The following SLC39A11 variants were observed in gnomAD, a reference collection of about 807,000 sequenced individuals.
SLC39A11 encodes solute carrier family 39 member 11.
SLC39A11 carries 33 observed loss-of-function variants against 36.1 expected under a neutral mutation model. The observed-to-expected ratio is 0.91, with a 90% CI of 0.69 to 1.22. SLC39A11 has a LOEUF of 1.22. SLC39A11 is among the 50% of genes most tolerant of loss of function. SLC39A11 has a pLI of 0.00. For synonymous variants in SLC39A11, 166 were observed against 170.3 expected, an observed-to-expected ratio of 0.97 and a Z score of 0.20; for missense variants, 432 against 430.3, an observed-to-expected ratio of 1.00 and a Z score of -0.03.
intron 5 of SLC39A11, among the ~76,000 whole-genome samples, chr17:72,917,433 G>C (rs1037365039): frequency 6.6e-6 from 1 of 152,192 alleles, no homozygotes; most frequent in African/African-American, 2.4e-5. Context: ...AAAATCACTA[G>C]AGGGAAGAAG....
chr17:72,976,549 G>C (rs1350263881), intron 4 of SLC39A11, among the ~76,000 whole-genome samples: 3 of 152,150 alleles, frequency 2.0e-5, no homozygotes, highest in African/African-American at 7.2e-5. Context: ...TTTGCAGAAA[G>C]GCACAGAAAT....
chr17:72,827,295 A>C (rs1297755966), intron 6 of SLC39A11, among the ~76,000 whole-genome samples: 1 of 152,244 alleles, frequency 6.6e-6, no homozygotes, highest in African/African-American at 2.4e-5. Flanking sequence ...AGCCAAATTC[A>C]TAGAGACAAA....
chr17:72,971,637 G>A (rs988274867), intron 4 of SLC39A11, among the ~76,000 whole-genome samples: 14 of 152,178 alleles, frequency 9.2e-5, no homozygotes, highest in African/African-American at 2.9e-4. Flanking sequence ...ACGTGAAGGC[G>A]GGTCTCAGCA....
At chr17:73,091,890 C>T (rs1381733183) in intron 1 of SLC39A11, 3 of 152,250 alleles carry the variant, frequency 2.0e-5, no homozygotes, top group African/African-American at 7.2e-5. Flanking sequence ...TTTCCTTTCT[C>T]CCCCTTTTAA....
chr17:72,795,413 A>G (rs1003165682), intron 6 of SLC39A11, among the ~76,000 whole-genome samples: 2 of 152,118 alleles, frequency 1.3e-5, no homozygotes, highest in African/African-American at 2.4e-5. Flanking sequence ...CCCACAGAGC[A>G]AGACATGACA....
intron 6 of SLC39A11, among the ~76,000 whole-genome samples, chr17:72,794,230 CATCACCATCACACAGTCCATGAGTACAA>C (rs1316859614): frequency 6.6e-6 from 1 of 152,096 alleles, no homozygotes; most frequent in Non-Finnish European, 1.5e-5. Context: ...AGCTCCTGCT[CATCACCATCACACAGTCCATGAGTACAA>C]ATCACCCATC....
intron 6 of SLC39A11, among the ~76,000 whole-genome samples, chr17:72,826,656 T>C (rs1181080423): frequency 6.6e-6 from 1 of 152,188 alleles, no homozygotes; most frequent in East Asian, 1.9e-4. Flanking sequence ...TCCTTAAGCT[T>C]GATTGGATAT....
At chr17:73,036,422 C>T (rs761248274) in intron 3 of SLC39A11, among the ~76,000 whole-genome samples, 10 of 148,970 alleles carry the variant, frequency 6.7e-5, no homozygotes, top group Non-Finnish European at 1.3e-4. Flanking sequence ...GAAGGGCCAT[C>T]GTTTTTTTGT....
chr17:72,904,784 C>T (rs548618281), intron 5 of SLC39A11, among the ~76,000 whole-genome samples: 203 of 152,208 alleles, frequency 1.3e-3, no homozygotes, highest in African/African-American at 4.7e-3. Flanking sequence ...AAATGTGGTC[C>T]CCGAAGGTGG....
chr17:72,861,373 C>T (rs966611446), intron 5 of SLC39A11, among the ~76,000 whole-genome samples: 2 of 152,096 alleles, frequency 1.3e-5, no homozygotes, highest in African/African-American at 2.4e-5. Flanking sequence ...GTCTACACTG[C>T]TTTGGAATAT....
At chr17:72,672,355 A>G (rs2071060226) in intron 7 of SLC39A11, among the ~76,000 whole-genome samples, 1 of 152,206 alleles carries the variant, frequency 6.6e-6, no homozygotes, top group Non-Finnish European at 1.5e-5. Context: ...AGGTTGAGGC[A>G]TGAAAGTAGC....
intron 4 of SLC39A11, among the ~76,000 whole-genome samples, chr17:72,971,675 G>A (rs978172645): frequency 6.6e-6 from 1 of 152,168 alleles, no homozygotes; most frequent in Non-Finnish European, 1.5e-5. Flanking sequence ...CTGGGGCCGG[G>A]CCGCCCCCCA....
chr17:73,035,534 C>G (rs2058878672), intron 3 of SLC39A11, among the ~76,000 whole-genome samples: 1 of 152,154 alleles, frequency 6.6e-6, no homozygotes, highest in Non-Finnish European at 1.5e-5. Context: ...AAAAAGGACT[C>G]TGCACATGGG....
Position 73,027,104 on chromosome 17 carries a change from A to G in SLC39A11, c.306+4452T>C, listed in dbSNP as rs188139879. Among the ~76,000 whole-genome samples, 7 of 152,350 alleles carry G rather than the reference A, an allele frequency of 4.6e-5. No individual in the cohort carries two copies. The East Asian group carries it at 1.3e-3, about 29-fold the overall frequency. On this transcript the variant is annotated intron_variant, in intron 4 of 9. Coordinates refer to ENST00000255559, the MANE Select transcript of SLC39A11 (RefSeq NM_139177.4). ...GCCACTGCACTCCAGCCTGGGCAAC[A>G]GAGCAAGACCCTGTCTCAAATAATA...
In SLC39A11 at chr17:73,047,990, AATATATATATATATATATAT is replaced by A. The variant is rs151142811; in HGVS notation, c.148-16296_148-16277del. On this transcript the variant is annotated intron_variant, in intron 3 of 9. Coordinates refer to ENST00000255559, the MANE Select transcript of SLC39A11 (RefSeq NM_139177.4). ...TCAAAAAAAAAAAAAAAAAAAAAAA[AATATATATATATATATATAT>A]ATATATATATATATATCATGTATAG... Among the ~76,000 whole-genome samples, 401 of 58,692 alleles carry A rather than the reference AATATATATATATATATATAT, an allele frequency of 6.8e-3. 9 individuals carry two copies. The highest frequency in any genetic ancestry group is 0.013 in the Middle Eastern group (1 of 76). 38.5% of individuals were successfully genotyped at this position (58,692 alleles called of 152,430 possible).
At chr17:72,705,642 G>A (rs2143166728) in intron 7 of SLC39A11, among the ~76,000 whole-genome samples, 2 of 152,250 alleles carry the variant, frequency 1.3e-5, no homozygotes, top group South Asian at 4.2e-4. Flanking sequence ...TTGGATTTTG[G>A]AATCAACCAT....
intron 5 of SLC39A11, among the ~76,000 whole-genome samples, chr17:72,873,163 T>G (rs2080733225): frequency 6.6e-6 from 1 of 152,102 alleles, no homozygotes; most frequent in Non-Finnish European, 1.5e-5. Context: ...ACATCGCTAT[T>G]ATAAAACCTA....
intron 6 of SLC39A11, chr17:72,837,704 G>A (rs2078627417): frequency 4.8e-6 from 1 of 209,862 alleles, no homozygotes; most frequent in Non-Finnish European, 9.4e-6. Flanking sequence ...AGTATTATCT[G>A]GCCAGAAAAA....
chr17:72,699,365 G>A (rs1406168973), intron 7 of SLC39A11, among the ~76,000 whole-genome samples: 1 of 152,232 alleles, frequency 6.6e-6, no homozygotes, highest in East Asian at 1.9e-4. Flanking sequence ...TGGGCTGCAT[G>A]TGACCTGTGG....
Sources: gnomAD v4.1 joint callset for allele counts (sites outside exome capture counted in the v4.1 genomes callset) on GRCh38, gnomAD v4.1.1 for gene constraint, MANE v1.5 for transcripts, NCBI Gene and HGNC (gene_info 2026-07-23, HGNC 2026-07-21) for gene names.